TNFRSF13B: variants seen among roughly 807,000 people sequenced by gnomAD.
The protein encoded by TNFRSF13B is TNF receptor superfamily member 13B, also known as tumor necrosis factor receptor superfamily member 13B.
TNFRSF13B carries 34 observed loss-of-function variants against 24.0 expected under a neutral mutation model. The observed-to-expected ratio is 1.41, with a 90% CI of 1.08 to 1.88. The LOEUF (loss-of-function observed/expected upper bound fraction) is 1.88, where lower values mean the gene tolerates loss of function less well. TNFRSF13B is among the 40% of genes most tolerant of loss of function. The pLI is 0.00. For missense variants in TNFRSF13B, 415 were observed against 380.8 expected (o/e 1.09, Z -0.75); for synonymous variants, 173 against 150.3 (o/e 1.15, Z -1.10).
At position 16,948,975 on chromosome 17, in the gene TNFRSF13B, T is replaced by C. The variant is rs1390711436; in HGVS notation, c.208A>G (p.Ser70Gly). ...RTCAAFCRSL[S>G]CRKEQGKFYD... ...AACTTGCCTTGCTCCTTGCGGCAGCTGAGTGACCCTGGGAGAGAGAAATTC... is the reference window on the plus strand; with the variant it reads ...AACTTGCCTTGCTCCTTGCGGCAGCCGAGTGACCCTGGGAGAGAGAAATTC... Residue 70 changes from serine to glycine, a missense_variant, in exon 3 of 5, where the codon AGC becomes GGC. Transcript: ENST00000261652. The C allele has an allele frequency of 1.2e-6, 2 of 1,613,844 alleles. No individual in the cohort carries two copies. Among genetic ancestry groups the C allele is most frequent in the Non-Finnish European group, 8.5e-7 (1 of 1,180,002 alleles).
chr17:16,939,271 GTCTC>G lies in TNFRSF13B; in HGVS notation c.*272_*275del. 2.3e-6 allele frequency: 1 copy of G among 433,678 alleles called. No homozygotes were observed. The highest frequency in any genetic ancestry group is 4.1e-6 in the Non-Finnish European group (1 of 243,222). The allele number at this position is 433,678 out of a possible 1,614,324, so 26.9% of individuals were successfully genotyped here. A position where few individuals can be genotyped will look rare whatever the true frequency, so the allele number is the denominator to read the frequency against. On this transcript the variant is annotated 3_prime_UTR_variant, in exon 5 of 5. Transcript: ENST00000261652. ...TCTCTCTGTCCCTCTCTCCCTCTCTGTCTCTCTGCCTCTCTCCCTCTCTGCCTCT... is the reference window on the plus strand; with the variant it reads ...TCTCTCTGTCCCTCTCTCCCTCTCTGTCTGCCTCTCTCCCTCTCTGCCTCT...
intron 1 of TNFRSF13B, among the ~76,000 whole-genome samples, chr17:16,962,183 A>C (rs915116060): frequency 6.6e-6 from 1 of 152,222 alleles, no homozygotes; most frequent in African/African-American, 2.4e-5. Flanking sequence ...AGGAGTTACC[A>C]ACTCCAGGGA....
chr17:16,961,511 TTTCCC>T (rs1295448441), intron 1 of TNFRSF13B, among the ~76,000 whole-genome samples: 1 of 152,192 alleles, frequency 6.6e-6, no homozygotes, highest in African/African-American at 2.4e-5. Context: ...TATTGTACAA[TTTCCC>T]TTACCTGAGG....
At chr17:16,953,622 G>A (rs186151208) in intron 1 of TNFRSF13B, among the ~76,000 whole-genome samples, 2 of 152,254 alleles carry the variant, frequency 1.3e-5, no homozygotes, top group East Asian at 1.9e-4. Flanking sequence ...CCATGTGGGC[G>A]CTCTCTGCAT....
intron 2 of TNFRSF13B, among the ~76,000 whole-genome samples, chr17:16,951,999 A>G (rs750845818): frequency 2.5e-4 from 38 of 152,214 alleles, no homozygotes; most frequent in Non-Finnish European, 4.6e-4. Flanking sequence ...GAAGCTGGTG[A>G]TGGGTGCAGA....
At chr17:16,941,018 T>C (rs1056646477) in intron 3 of TNFRSF13B, 1 of 792,554 alleles carries the variant, frequency 1.3e-6, no homozygotes. Flanking sequence ...CATTTGCATA[T>C]AACCTATGCA....
chr17:16,964,129 A>G (rs528002437), intron 1 of TNFRSF13B, among the ~76,000 whole-genome samples: 4 of 152,182 alleles, frequency 2.6e-5, no homozygotes, highest in Admixed American at 2.6e-4. Flanking sequence ...AGGGAAAAAG[A>G]AGAGAGATGA....
intron 2 of TNFRSF13B, among the ~76,000 whole-genome samples, chr17:16,951,997 T>G (rs1336075669): frequency 6.6e-6 from 1 of 152,142 alleles, no homozygotes; most frequent in East Asian, 1.9e-4. Flanking sequence ...GTGAAGCTGG[T>G]GATGGGTGCA....
At chr17:16,959,369 G>C (rs2087646173) in intron 1 of TNFRSF13B, among the ~76,000 whole-genome samples, 2 of 151,912 alleles carry the variant, frequency 1.3e-5, no homozygotes, top group Non-Finnish European at 2.9e-5. Context: ...CACTGAAAAA[G>C]AAGAATCATA....
chr17:16,961,845 C>T (rs553309750), intron 1 of TNFRSF13B, among the ~76,000 whole-genome samples: 9 of 152,152 alleles, frequency 5.9e-5, no homozygotes, highest in Non-Finnish European at 8.8e-5. Flanking sequence ...CTATCAAGTG[C>T]GAGGTAGAAT....
intron 3 of TNFRSF13B, among the ~76,000 whole-genome samples, chr17:16,942,047 G>A (rs1027040663): frequency 2.6e-5 from 4 of 152,164 alleles, no homozygotes; most frequent in East Asian, 1.9e-4. Context: ...TGTGAATGAC[G>A]TTGCTGTGAA....
At chr17:16,963,557 T>C (rs912037538) in intron 1 of TNFRSF13B, among the ~76,000 whole-genome samples, 1 of 138,378 alleles carries the variant, frequency 7.2e-6, no homozygotes. Context: ...TTTTGTTTTT[T>C]TGGTTTTTTC....
At chr17:16,971,071 G>T (rs9904866) in intron 1 of TNFRSF13B, among the ~76,000 whole-genome samples, 85 of 152,144 alleles carry the variant, frequency 5.6e-4, no homozygotes, top group Middle Eastern at 6.8e-3. Flanking sequence ...ATACGGGCCG[G>T]GTGCCGTGGC....
At chr17:16,949,738 T>C (rs976982042) in intron 2 of TNFRSF13B, among the ~76,000 whole-genome samples, 2 of 150,978 alleles carry the variant, frequency 1.3e-5, no homozygotes, top group Admixed American at 1.3e-4. Context: ...CAGGCTGGAG[T>C]GCAATGGCAC....
chr17:16,956,089 T>C (rs2087622940), intron 1 of TNFRSF13B, among the ~76,000 whole-genome samples: 2 of 152,228 alleles, frequency 1.3e-5, no homozygotes, highest in South Asian at 4.1e-4. Context: ...AGCCAAGCAC[T>C]TAAGGAAATC....
intron 4 of TNFRSF13B, 149 bp from the exon 5 acceptor site, chr17:16,939,946 A>G: frequency 1.7e-6 from 2 of 1,189,878 alleles, no homozygotes; most frequent in Non-Finnish European, 2.3e-6. Flanking sequence ...AGTGTCCGCC[A>G]GTTGCTGACC....
rs754435124 is a variant in TNFRSF13B at position 16,940,444 on chromosome 17, C to T, written c.513G>A (p.Leu171=). The T allele has an allele frequency of 2.1e-5, 34 of 1,613,872 alleles. No homozygotes were observed. Among genetic ancestry groups the T allele is most frequent in the Non-Finnish European group, 2.4e-5 (28 of 1,180,028 alleles). Residue 171 remains leucine (L), a synonymous_variant, in exon 4 of 5, where the codon CTG becomes CTA. Transcript: ENST00000261652. ...ALVYSTLGLC[L]CAVLCCFLVA... ...CCAGGAAGCAGCAGAGGACGGCACA[C>T]AGGCAGAGCCCCAGCGTGCTGTAGA...
In TNFRSF13B at chr17:16,940,470, C is replaced by T. The variant is rs1305643381; in HGVS notation, c.487G>A (p.Val163Ile). The change falls in exon 4 of 5, where the codon GTC becomes ATC. Residue 163 changes from valine to isoleucine, a missense_variant. Val to Ile is a conservative substitution (Grantham distance 29, BLOSUM62 3). Coordinates refer to ENST00000261652, the MANE Select transcript of TNFRSF13B (RefSeq NM_012452.3). ...AGGCAGAGCCCCAGCGTGCTGTAGA[C>T]CAGGGCCACCTGATCTGCACTCAGC... ...LKLSADQVALVYSTLGLCLCA... is the reference protein window; with the variant it reads ...LKLSADQVALIYSTLGLCLCA... 1.2e-6 allele frequency: 2 copies of T among 1,613,682 alleles called. No homozygotes were observed. Among genetic ancestry groups the T allele is most frequent in the Non-Finnish European group, 1.7e-6 (2 of 1,180,002 alleles).
rs1356368014 is a variant in TNFRSF13B at position 16,949,000 on chromosome 17, C to G, written c.200-17G>C. 1 of 1,613,784 alleles carries G rather than the reference C, an allele frequency of 6.2e-7. No individual in the cohort carries two copies. On this transcript the variant is annotated splice_polypyrimidine_tract_variant and intron_variant, in intron 2 of 4. Coordinates refer to ENST00000261652, the MANE Select transcript of TNFRSF13B (RefSeq NM_012452.3). ...TGAGTGACCCTGGGAGAGAGAAATT[C>G]ATGATACTGCTGGGTGACACAGACT...
Sources: allele counts gnomAD v4.1 joint callset (sites outside exome capture counted in the v4.1 genomes callset), GRCh38; gene constraint gnomAD v4.1.1; transcripts MANE v1.5; gene names NCBI Gene and HGNC (gene_info 2026-07-23, HGNC 2026-07-21).